RABGAP1L: variants seen among roughly 807,000 people sequenced by gnomAD.
RABGAP1L encodes the protein rab GTPase-activating protein 1-like.
Under a neutral mutation model 137.7 loss-of-function variants are expected in RABGAP1L, and 63 were observed. The observed-to-expected ratio is 0.46, with a 90% CI of 0.37 to 0.56. The LOEUF is 0.56. Ranked by LOEUF, RABGAP1L falls within the 20% of genes least tolerant of loss-of-function variation. The pLI, the probability that RABGAP1L is intolerant of heterozygous loss-of-function variation, is 0.00. For missense variants in RABGAP1L, 1,095 were observed against 1,244.0 expected, an observed-to-expected ratio of 0.88 and a Z score of 1.80; for synonymous variants, 431 against 433.7, an observed-to-expected ratio of 0.99 and a Z score of 0.08.
intron 13 of RABGAP1L, among the ~76,000 whole-genome samples, chr1:174,417,505 A>G (rs1650741860): frequency 6.6e-6 from 1 of 152,210 alleles, no homozygotes; most frequent in African/African-American, 2.4e-5. Context: ...TTAAATGCCC[A>G]ACTTATATGT....
At chr1:174,391,608 C>T (rs906942682) in intron 12 of RABGAP1L, among the ~76,000 whole-genome samples, 4 of 152,174 alleles carry the variant, frequency 2.6e-5, no homozygotes, top group African/African-American at 9.7e-5. Flanking sequence ...TCCCAAAGTG[C>T]TGGGATTATG....
intron 13 of RABGAP1L, among the ~76,000 whole-genome samples, chr1:174,457,813 T>A (rs889225950): frequency 1.3e-5 from 2 of 152,200 alleles, no homozygotes; most frequent in African/African-American, 4.8e-5. Context: ...AGGCATCTTC[T>A]TAGACCACTT....
At chr1:174,815,885 G>A (rs1252437512) in intron 19 of RABGAP1L, among the ~76,000 whole-genome samples, 2 of 152,090 alleles carry the variant, frequency 1.3e-5, no homozygotes, top group Non-Finnish European at 2.9e-5. Flanking sequence ...ACTTTGAACA[G>A]TCATTTGGTT....
intron 11 of RABGAP1L, among the ~76,000 whole-genome samples, chr1:174,350,063 A>C (rs1682967817): frequency 8.0e-6 from 1 of 125,428 alleles, no homozygotes; most frequent in African/African-American, 3.0e-5. Flanking sequence ...CACCTCCCGG[A>C]CGGGGCGGCT....
rs1472823609 is a variant in RABGAP1L at position 174,780,099 on chromosome 1, TAAATAAATA to T, written c.2211+27748_2211+27756del. On this transcript the variant is annotated intron_variant, in intron 18 of 25. Coordinates refer to ENST00000681986, the MANE Select transcript of RABGAP1L (RefSeq NM_001366446.1). ...ATAAATAAATAAATAAATAAATAAA[TAAATAAATA>T]AATAAATAAATTAAATAAGCCCTAA... Among the ~76,000 whole-genome samples, 557 of 150,686 alleles carry T rather than the reference TAAATAAATA, an allele frequency of 3.7e-3. 5 individuals carry two copies. Among genetic ancestry groups the T allele is most frequent in the South Asian group, 0.017 (82 of 4,766 alleles).
At chr1:174,562,311 T>C (rs1480259014) in intron 13 of RABGAP1L, among the ~76,000 whole-genome samples, 1 of 152,080 alleles carries the variant, frequency 6.6e-6, no homozygotes. Flanking sequence ...GAGATAACAA[T>C]CTCACACCAT....
intron 18 of RABGAP1L, among the ~76,000 whole-genome samples, chr1:174,799,282 C>G (rs1224773442): frequency 6.6e-6 from 1 of 152,154 alleles, no homozygotes; most frequent in Non-Finnish European, 1.5e-5. Flanking sequence ...ATTATTATTG[C>G]ATAAACACTT....
At chr1:174,202,336 T>C (rs530862958) in intron 1 of RABGAP1L, among the ~76,000 whole-genome samples, 7 of 152,130 alleles carry the variant, frequency 4.6e-5, no homozygotes, top group African/African-American at 1.2e-4. Flanking sequence ...TTTTAATGAT[T>C]CCCATTCTAA....
chr1:174,683,495 A>C, intron 14 of RABGAP1L, 27 bp from the exon 15 acceptor site: 31 of 1,500,258 alleles, frequency 2.1e-5, no homozygotes, highest in Non-Finnish European at 2.7e-5. Flanking sequence ...TATTTACGAT[A>C]TTTCTTTCTT....
intron 1 of RABGAP1L, among the ~76,000 whole-genome samples, chr1:174,179,544 G>GCA (rs56839600): frequency 0.054 from 7,937 of 147,176 alleles, 206 homozygotes; most frequent in East Asian, 0.11. Flanking sequence ...CTTAGCACGT[G>GCA]CACACACACA....
intron 14 of RABGAP1L, among the ~76,000 whole-genome samples, chr1:174,649,605 C>T (rs1212650889): frequency 6.6e-6 from 1 of 151,894 alleles, no homozygotes; most frequent in Non-Finnish European, 1.5e-5. Context: ...GTGGGTAACC[C>T]GACCTTTCAC....
chr1:174,659,218 A>G (rs1249515530), intron 14 of RABGAP1L, among the ~76,000 whole-genome samples: 7 of 147,936 alleles, frequency 4.7e-5, no homozygotes, highest in African/African-American at 1.8e-4. Flanking sequence ...ACCGATGAAG[A>G]TACCTGCTTT....
intron 11 of RABGAP1L, chr1:174,366,985 G>A (rs1463926317): frequency 6.6e-6 from 1 of 151,990 alleles, no homozygotes; most frequent in Non-Finnish European, 1.5e-5. Flanking sequence ...AAAAATAGGT[G>A]TTACTTAGCC....
intron 11 of RABGAP1L, among the ~76,000 whole-genome samples, chr1:174,333,837 A>G (rs185884285): frequency 2.5e-4 from 38 of 152,234 alleles, no homozygotes; most frequent in African/African-American, 9.2e-4. Context: ...CAGTATTGTT[A>G]GAAACAGTAG....
chr1:174,402,037 C>G (rs1043620912), intron 13 of RABGAP1L, among the ~76,000 whole-genome samples: 4 of 152,160 alleles, frequency 2.6e-5, no homozygotes, highest in Admixed American at 2.0e-4. Flanking sequence ...GCTCACTGCT[C>G]TAACCTTAGT....
chr1:174,460,294 C>A (rs1656532268), intron 13 of RABGAP1L, among the ~76,000 whole-genome samples: 1 of 151,750 alleles, frequency 6.6e-6, no homozygotes, highest in Admixed American at 6.6e-5. Flanking sequence ...AATAGTTGCT[C>A]ATAAAGGAAA....
chr1:174,563,098 G>A (rs1667334147), intron 13 of RABGAP1L, among the ~76,000 whole-genome samples: 1 of 152,162 alleles, frequency 6.6e-6, no homozygotes, highest in Non-Finnish European at 1.5e-5. Flanking sequence ...AATTCCTGTA[G>A]ACATAAGTAC....
chr1:174,375,075 G>A (rs183600001), intron 12 of RABGAP1L, among the ~76,000 whole-genome samples: 330 of 152,118 alleles, frequency 2.2e-3, no homozygotes, highest in Middle Eastern at 0.02. Flanking sequence ...TTTGGGAAAG[G>A]AAGTAGAGAC....
chr1:174,307,468 T>C (rs1678400748), intron 11 of RABGAP1L, among the ~76,000 whole-genome samples: 1 of 152,146 alleles, frequency 6.6e-6, no homozygotes, highest in Non-Finnish European at 1.5e-5. Flanking sequence ...GTTCTCCCCT[T>C]TCCCTTCCCC....
Sources: allele counts gnomAD v4.1 joint callset (sites outside exome capture counted in the v4.1 genomes callset), GRCh38; gene constraint gnomAD v4.1.1; transcripts MANE v1.5; gene names NCBI Gene and HGNC (gene_info 2026-07-23, HGNC 2026-07-21).